The following RAMP3 variants were observed in gnomAD, a reference collection of about 807,000 sequenced individuals.
RAMP3 encodes receptor activity modifying protein 3, also known as receptor activity-modifying protein 3.
A neutral mutation model predicts 13.5 loss-of-function variants in RAMP3; 14 were observed. The ratio of observed to expected loss-of-function variants is 1.04; its 90% CI spans 0.69 to 1.63. RAMP3 has a LOEUF of 1.63. Ranked by LOEUF, RAMP3 falls within the 40% of genes most tolerant of loss-of-function variation. RAMP3 has a pLI of 0.00. For synonymous variants in RAMP3, 106 were observed against 88.3 expected (o/e 1.20, Z -1.12); for missense variants, 200 against 204.8 (o/e 0.98, Z 0.14).
At chr7:45,157,947 G>A (rs1785791454) in intron 1 of RAMP3, 61 bp downstream of exon 1, 1 of 1,299,614 alleles carries the variant, frequency 7.7e-7, no homozygotes, top group East Asian at 3.1e-5. Context: ...CCGGACCCGG[G>A]TGGACCCGCG....
rs189488541 is a variant in RAMP3, at chr7:45,169,217, G to T, written c.59-8092G>T. On this transcript the variant is annotated intron_variant, in intron 1 of 2. Coordinates refer to ENST00000242249, the MANE Select transcript of RAMP3 (RefSeq NM_005856.3). Reference sequence around the variant, plus strand: ...TACGTATATATTCAGAAGCAATATTGGCCTATAGATTTCTTTTCTTATGAT... The same window carrying T: ...TACGTATATATTCAGAAGCAATATTTGCCTATAGATTTCTTTTCTTATGAT... Among the ~76,000 whole-genome samples, 530 of 152,194 alleles carry T rather than the reference G, an allele frequency of 3.5e-3. 4 individuals are homozygous for T. The highest frequency in any genetic ancestry group is 5.9e-3 in the Non-Finnish European group (404 of 68,008).
At chr7:45,169,246 T>A (rs952679640) in intron 1 of RAMP3, among the ~76,000 whole-genome samples, 8 of 152,220 alleles carry the variant, frequency 5.3e-5, no homozygotes, top group Non-Finnish European at 1.0e-4. Flanking sequence ...TTATGATGTC[T>A]TTGGTTTTGC....
At chr7:45,158,496 C>T (rs1785804346) in intron 1 of RAMP3, among the ~76,000 whole-genome samples, 1 of 152,194 alleles carries the variant, frequency 6.6e-6, no homozygotes, top group African/African-American at 2.4e-5. Context: ...CCATTGCTCA[C>T]AAAATGGAAA....
chr7:45,166,630 C>T (rs578019231), intron 1 of RAMP3, among the ~76,000 whole-genome samples: 22 of 152,156 alleles, frequency 1.4e-4, no homozygotes, highest in African/African-American at 5.3e-4. Flanking sequence ...TCTCTTGATG[C>T]TATCCTTTGA....
At chr7:45,174,937 A>C (rs1584073950) in intron 1 of RAMP3, among the ~76,000 whole-genome samples, 1 of 152,244 alleles carries the variant, frequency 6.6e-6, no homozygotes, top group Non-Finnish European at 1.5e-5. Context: ...TCTTTGGATA[A>C]ATTTCACTGG....
chr7:45,178,361 A>G (rs1786235811), intron 2 of RAMP3, among the ~76,000 whole-genome samples: 1 of 152,120 alleles, frequency 6.6e-6, no homozygotes, highest in Non-Finnish European at 1.5e-5. Context: ...CTGGCTTTGC[A>G]GTCTTGTGCC....
chr7:45,182,017 C>T (rs1355853860), intron 2 of RAMP3, among the ~76,000 whole-genome samples: 2 of 152,166 alleles, frequency 1.3e-5, no homozygotes, highest in Non-Finnish European at 2.9e-5. Flanking sequence ...CCAGGAGAAC[C>T]CTGGGTGGAG....
At chr7:45,170,317 C>T (rs1786055464) in intron 1 of RAMP3, among the ~76,000 whole-genome samples, 1 of 150,078 alleles carries the variant, frequency 6.7e-6, no homozygotes, top group African/African-American at 2.4e-5. Flanking sequence ...GATTTGAGAT[C>T]TTTCTTCTTT....
chr7:45,182,432 C>T (rs1208778656), intron 2 of RAMP3, among the ~76,000 whole-genome samples: 1 of 152,120 alleles, frequency 6.6e-6, no homozygotes, highest in African/African-American at 2.4e-5. Context: ...GCTGAGTTGA[C>T]CTCTGGGTCT....
chr7:45,178,701 G>A (rs1431684794), intron 2 of RAMP3, among the ~76,000 whole-genome samples: 2 of 152,250 alleles, frequency 1.3e-5, no homozygotes. Flanking sequence ...ACCCACTGGT[G>A]GGGGTGGAGT....
intron 1 of RAMP3, chr7:45,163,790 C>T: frequency 1.0e-6 from 1 of 985,400 alleles, no homozygotes; most frequent in African/African-American, 1.7e-5. Flanking sequence ...TGTCTTCTGG[C>T]TCCGTGCCAG....
intron 1 of RAMP3, among the ~76,000 whole-genome samples, chr7:45,174,943 A>T (rs571064495): frequency 5.2e-4 from 79 of 152,208 alleles, no homozygotes; most frequent in African/African-American, 1.8e-3. Context: ...GATAAATTTC[A>T]CTGGGTTGAC....
intron 1 of RAMP3, among the ~76,000 whole-genome samples, chr7:45,160,981 G>A (rs541226213): frequency 6.6e-6 from 1 of 152,306 alleles, no homozygotes; most frequent in Non-Finnish European, 1.5e-5. Flanking sequence ...CCCTGGGGAG[G>A]GCACTTGGTT....
chr7:45,180,645 TGG>T (rs979827906), intron 2 of RAMP3, among the ~76,000 whole-genome samples: 3 of 152,192 alleles, frequency 2.0e-5, no homozygotes, highest in African/African-American at 7.2e-5. Flanking sequence ...AGCATTGCTA[TGG>T]GATTTCCAAA....
At position 45,174,991 on chromosome 7, in the gene RAMP3, G is replaced by A. The variant is rs1786151853; in HGVS notation, c.59-2318G>A. On this transcript the variant is annotated intron_variant, in intron 1 of 2. Coordinates refer to ENST00000242249, the MANE Select transcript of RAMP3 (RefSeq NM_005856.3). Reference sequence around the variant, plus strand: ...GCCACCATCTCCATGTGCAGACCCTGTGGGACCATGTGGGGGACCTGTGCT... The same window carrying A: ...GCCACCATCTCCATGTGCAGACCCTATGGGACCATGTGGGGGACCTGTGCT... 2.0e-5 allele frequency among the ~76,000 whole-genome samples: 3 copies of A among 152,226 alleles called. No homozygotes were observed. In the South Asian group the frequency reaches 6.2e-4, roughly 32 times the overall value.
rs556834610 is a variant in RAMP3 at position 45,180,255 on chromosome 7, C to T, written c.191+2814C>T. 2.0e-5 allele frequency among the ~76,000 whole-genome samples: 3 copies of T among 152,342 alleles called. No homozygotes were observed. In the East Asian group the frequency reaches 5.8e-4, roughly 29 times the overall value. ...TACACCCTGGGTGGAGGCAGCCTGG[C>T]CCAGGTGGAGGGCACTTGATGCTTA... is the stretch of plus-strand genomic sequence containing the variant. On this transcript the variant is annotated intron_variant, in intron 2 of 2. Transcript: ENST00000242249.
intron 2 of RAMP3, among the ~76,000 whole-genome samples, chr7:45,178,337 A>T (rs1258810010): frequency 6.6e-6 from 1 of 151,926 alleles, no homozygotes; most frequent in Non-Finnish European, 1.5e-5. Flanking sequence ...CCTCTGCCCC[A>T]CCCCACTCCA....
At chr7:45,158,892 AT>A (rs1785813866) in intron 1 of RAMP3, among the ~76,000 whole-genome samples, 2 of 152,132 alleles carry the variant, frequency 1.3e-5, no homozygotes, top group South Asian at 4.1e-4. Flanking sequence ...GATGTGGTGG[AT>A]TTTGTGTTGA....
chr7:45,163,702 G>A (rs1422996394), intron 1 of RAMP3: 2 of 985,252 alleles, frequency 2.0e-6, no homozygotes, highest in African/African-American at 1.7e-5. Context: ...TTACAGATGG[G>A]GAGACAAAGG....
Sources: allele counts gnomAD v4.1 joint callset (sites outside exome capture counted in the v4.1 genomes callset), GRCh38; gene constraint gnomAD v4.1.1; transcripts MANE v1.5; gene names NCBI Gene and HGNC (gene_info 2026-07-23, HGNC 2026-07-21).